AFF3: variants seen among roughly 807,000 people sequenced by gnomAD.
AFF3 encodes the protein AF4/FMR2 family member 3.
AFF3 carries 32 observed loss-of-function variants against 129.7 expected under a neutral mutation model. The ratio of observed to expected loss-of-function variants is 0.25; its 90% CI spans 0.19 to 0.33. AFF3 has a LOEUF of 0.33. Ranked by LOEUF, AFF3 falls within the 10% of genes least tolerant of loss-of-function variation. The probability of loss-of-function intolerance (pLI) is 1.00; values close to 1 mark genes in which losing one functional copy is unlikely to be tolerated. For missense variants in AFF3, 1,373 were observed against 1,592.0 expected (o/e 0.86, Z 2.34); for synonymous variants, 644 against 635.4 (o/e 1.01, Z -0.20).
intron 18 of AFF3, chr2:99,572,556 A>G (rs899575456): frequency 1.8e-5 from 8 of 454,924 alleles, no homozygotes; most frequent in African/African-American, 1.6e-4. Context: ...ATGTGTTTGA[A>G]CAACAAGTTC....
At chr2:100,118,828 T>C (rs1200435297) in intron 2 of AFF3, among the ~76,000 whole-genome samples, 1 of 152,012 alleles carries the variant, frequency 6.6e-6, no homozygotes, top group Non-Finnish European at 1.5e-5. Context: ...TTTTTTTTTT[T>C]TGAGACAGAG....
chr2:99,779,096 T>C (rs886181570), intron 8 of AFF3, among the ~76,000 whole-genome samples: 6 of 152,196 alleles, frequency 3.9e-5, no homozygotes, highest in African/African-American at 1.4e-4. Context: ...CAGACACCCT[T>C]GTCTAGCTCC....
intron 13 of AFF3, among the ~76,000 whole-genome samples, chr2:99,626,953 A>G (rs115189850): frequency 0.062 from 9,415 of 152,228 alleles, 405 homozygotes; most frequent in East Asian, 0.12. Context: ...CATGGTGTGT[A>G]TGTACCATAT....
intron 8 of AFF3, among the ~76,000 whole-genome samples, chr2:99,774,418 A>G (rs10202214): frequency 0.1 from 15,781 of 152,202 alleles, 2,535 homozygotes; most frequent in African/African-American, 0.34. Flanking sequence ...AACAGAATAG[A>G]GAACCCAGAA....
chr2:99,974,819 G>T (rs1342100152), intron 7 of AFF3, among the ~76,000 whole-genome samples: 1 of 152,222 alleles, frequency 6.6e-6, no homozygotes, highest in Non-Finnish European at 1.5e-5. Flanking sequence ...GCACCCACTG[G>T]TGCCCATGGA....
chr2:99,633,298 G>T (rs1029247073), intron 13 of AFF3, among the ~76,000 whole-genome samples: 2 of 152,084 alleles, frequency 1.3e-5, no homozygotes, highest in Non-Finnish European at 2.9e-5. Context: ...AGGAAATGAG[G>T]TGTCTCAGCA....
intron 7 of AFF3, among the ~76,000 whole-genome samples, chr2:99,948,029 C>A (rs978433452): frequency 3.3e-5 from 5 of 152,064 alleles, no homozygotes; most frequent in African/African-American, 9.7e-5. Flanking sequence ...TGCTTTTAAG[C>A]CAAGAAGGTT....
chr2:99,582,092 C>T (rs1224689180), intron 17 of AFF3, among the ~76,000 whole-genome samples: 19 of 151,992 alleles, frequency 1.3e-4, no homozygotes, highest in Admixed American at 1.1e-3. Flanking sequence ...TGACCTCAGG[C>T]GATCCGCCCG....
chr2:99,950,612 TCC>T, intron 7 of AFF3, among the ~76,000 whole-genome samples: 2 of 152,204 alleles, frequency 1.3e-5, no homozygotes, highest in African/African-American at 4.8e-5. Context: ...AATTGTCATA[TCC>T]ATGAAATCAT....
At chr2:100,095,858 G>C (rs1409205568) in intron 4 of AFF3, among the ~76,000 whole-genome samples, 1 of 152,184 alleles carries the variant, frequency 6.6e-6, no homozygotes, top group African/African-American at 2.4e-5. Flanking sequence ...GCTAAGTTTG[G>C]CCACCTAATG....
chr2:100,057,572 C>T (rs954671102), intron 4 of AFF3, among the ~76,000 whole-genome samples: 1 of 152,190 alleles, frequency 6.6e-6, no homozygotes, highest in Non-Finnish European at 1.5e-5. Flanking sequence ...ACTCCCTCAA[C>T]CCCTCCACAG....
intron 8 of AFF3, among the ~76,000 whole-genome samples, chr2:99,807,350 C>A (rs897458209): frequency 1.3e-5 from 2 of 152,140 alleles, no homozygotes; most frequent in African/African-American, 4.8e-5. Context: ...TGGAAAGGAT[C>A]CTGGACTCAC....
intron 4 of AFF3, among the ~76,000 whole-genome samples, chr2:100,086,702 G>T (rs1264371272): frequency 6.6e-6 from 1 of 152,154 alleles, no homozygotes; most frequent in Non-Finnish European, 1.5e-5. Context: ...ATTGAAAAAA[G>T]ATGTTTCTAG....
intron 7 of AFF3, among the ~76,000 whole-genome samples, chr2:99,850,029 A>C (rs887168436): frequency 6.6e-6 from 1 of 152,248 alleles, no homozygotes; most frequent in Non-Finnish European, 1.5e-5. Flanking sequence ...TAAAATAATA[A>C]ATAAATTATA....
At position 99,737,436 on chromosome 2, in the gene AFF3, T is replaced by C. The variant is rs1680348154; in HGVS notation, c.1039+6668A>G. On this transcript the variant is annotated intron_variant, in intron 10 of 24. Transcript: ENST00000672756. Reference sequence around the variant, plus strand: ...AGCTTTTGTCTGAAAATGTCTTGACTCATTAAATTTTTTTTTTGCAAGATA... The same window carrying C: ...AGCTTTTGTCTGAAAATGTCTTGACCCATTAAATTTTTTTTTTGCAAGATA... Among the ~76,000 whole-genome samples, 3 of 82,550 alleles carry C rather than the reference T, an allele frequency of 3.6e-5. No individual in the cohort carries two copies. The South Asian group carries it at 2.5e-3, about 69-fold the overall frequency. 54.2% of individuals were successfully genotyped at this position (82,550 alleles called of 152,430 possible).
intron 19 of AFF3, among the ~76,000 whole-genome samples, chr2:99,567,049 T>C (rs1411460077): frequency 2.7e-5 from 4 of 150,614 alleles, no homozygotes; most frequent in African/African-American, 7.3e-5. Context: ...CTCATTGCAA[T>C]CTCTGCCTCC....
At chr2:99,673,371 C>T (rs1203664406) in intron 11 of AFF3, among the ~76,000 whole-genome samples, 2 of 152,086 alleles carry the variant, frequency 1.3e-5, no homozygotes, top group African/African-American at 2.4e-5. Flanking sequence ...CCCAGGTCCC[C>T]CCATTCATCC....
intron 13 of AFF3, among the ~76,000 whole-genome samples, chr2:99,614,168 A>G (rs947718132): frequency 6.6e-6 from 1 of 152,192 alleles, no homozygotes; most frequent in African/African-American, 2.4e-5. Flanking sequence ...ATTAGGCCAT[A>G]AAGAAGACTT....
intron 7 of AFF3, among the ~76,000 whole-genome samples, chr2:99,925,493 T>C (rs1161417075): frequency 6.6e-6 from 1 of 152,230 alleles, no homozygotes; most frequent in East Asian, 1.9e-4. Context: ...GTCTTTGTAC[T>C]TTCAGCACAT....
Sources: allele counts gnomAD v4.1 joint callset (sites outside exome capture counted in the v4.1 genomes callset), GRCh38; gene constraint gnomAD v4.1.1; transcripts MANE v1.5; gene names NCBI Gene and HGNC (gene_info 2026-07-23, HGNC 2026-07-21).